XXYLT1: variants seen among roughly 807,000 people sequenced by gnomAD.
XXYLT1 encodes UDP-xylose:alpha-xyloside alpha-1,3-xylosyltransferase.
XXYLT1 carries 20 observed loss-of-function variants against 28.9 expected under a neutral mutation model. That is an observed-to-expected ratio of 0.69 (90% CI 0.49 to 1.00). XXYLT1 has a LOEUF of 1.00. Among genes scored for constraint, XXYLT1 ranks in the 50% least tolerant of loss-of-function variants. The pLI is 0.00. For missense variants in XXYLT1, 542 were observed against 560.1 expected (o/e 0.97, Z 0.33); for synonymous variants, 257 against 253.8 (o/e 1.01, Z -0.12).
chr3:195,160,425 G>C (rs77577642), intron 2 of XXYLT1, among the ~76,000 whole-genome samples: 7,014 of 152,322 alleles, frequency 0.046, 246 homozygotes, highest in East Asian at 0.15. Context: ...CACTAACTGG[G>C]AGAGGGTTTA....
intron 3 of XXYLT1, among the ~76,000 whole-genome samples, chr3:195,111,545 C>T (rs1717718303): frequency 6.6e-6 from 1 of 152,088 alleles, no homozygotes; most frequent in South Asian, 2.1e-4. Context: ...GGGCAGGTGT[C>T]TGATGGTGCT....
chr3:195,143,843 G>GATATATATAGATATATATATCT lies in XXYLT1; in HGVS notation c.785+12605_785+12606insAGATATATATATCTATATATAT, dbSNP rs1719661395. Among the ~76,000 whole-genome samples the GATATATATAGATATATATATCT allele has an allele frequency of 8.9e-4, 80 of 89,392 alleles. 5 individuals carry two copies. The highest frequency in any genetic ancestry group is 3.5e-3 in the African/African-American group (78 of 22,024). The allele number at this position is 89,392 out of a possible 152,430, so 58.6% of individuals were successfully genotyped here. On this transcript the variant is annotated intron_variant, in intron 3 of 3. Coordinates refer to ENST00000310380, the MANE Select transcript of XXYLT1 (RefSeq NM_152531.5). ...ATAGATATATATAGATATAGATATA[G>GATATATATAGATATATATATCT]ATATATATATAGATATATATAGATA...
At chr3:195,213,370 T>C (rs532596861) in intron 2 of XXYLT1, among the ~76,000 whole-genome samples, 82 of 152,094 alleles carry the variant, frequency 5.4e-4, no homozygotes, top group African/African-American at 1.9e-3. Context: ...GTTCAAGTGA[T>C]TCTCCTGCCT....
chr3:195,102,138 T>C (rs1333348883), intron 3 of XXYLT1, among the ~76,000 whole-genome samples: 1 of 151,934 alleles, frequency 6.6e-6, no homozygotes, highest in Non-Finnish European at 1.5e-5. Flanking sequence ...GAGTCTATGT[T>C]TTCCAACAGA....
At chr3:195,183,844 C>G (rs1429374172) in intron 2 of XXYLT1, among the ~76,000 whole-genome samples, 1 of 152,172 alleles carries the variant, frequency 6.6e-6, no homozygotes, top group Non-Finnish European at 1.5e-5. Context: ...AGAAGGGAAC[C>G]AGTGTGAAGG....
intron 2 of XXYLT1, among the ~76,000 whole-genome samples, chr3:195,185,236 A>C (rs987528964): frequency 6.6e-6 from 1 of 152,226 alleles, no homozygotes; most frequent in African/African-American, 2.4e-5. Context: ...GGGAAACAGA[A>C]CAGTAGGGGT....
chr3:195,116,767 C>T lies in XXYLT1; in HGVS notation c.785+39682G>A, dbSNP rs573759585. Among the ~76,000 whole-genome samples the T allele has an allele frequency of 1.4e-4, 21 of 152,288 alleles. No individual in the cohort carries two copies. The East Asian group carries it at 3.9e-3, about 28-fold the overall frequency. ...CTCCAGGACCAGGTAAAGGCTGAGACGGAAACACACTTGCTTGCCTGCCTG... is the reference window on the plus strand; with the variant it reads ...CTCCAGGACCAGGTAAAGGCTGAGATGGAAACACACTTGCTTGCCTGCCTG... On this transcript the variant is annotated intron_variant, in intron 3 of 3. Coordinates refer to ENST00000310380, the MANE Select transcript of XXYLT1 (RefSeq NM_152531.5).
intron 3 of XXYLT1, among the ~76,000 whole-genome samples, chr3:195,108,943 C>T (rs1717301029): frequency 6.6e-6 from 1 of 152,180 alleles, no homozygotes; most frequent in Non-Finnish European, 1.5e-5. Flanking sequence ...ATAATTAAGG[C>T]AGCTATTATC....
At chr3:195,163,982 A>C (rs1323606055) in intron 2 of XXYLT1, among the ~76,000 whole-genome samples, 1 of 152,274 alleles carries the variant, frequency 6.6e-6, no homozygotes, top group African/African-American at 2.4e-5. Context: ...ATTTCTTCTC[A>C]TAGCTCACTA....
intron 2 of XXYLT1, chr3:195,183,654 A>AT (rs1218251745): frequency 6.6e-6 from 1 of 152,130 alleles, no homozygotes; most frequent in Non-Finnish European, 1.5e-5. Flanking sequence ...AGGTTAGGTC[A>AT]TTTTCAGGAA....
intron 3 of XXYLT1, among the ~76,000 whole-genome samples, chr3:195,090,571 G>C (rs918881127): frequency 6.6e-6 from 1 of 151,190 alleles, no homozygotes; most frequent in Non-Finnish European, 1.5e-5. Context: ...ACAAGAGAAA[G>C]CAGGAAAGAT....
chr3:195,082,079 G>C (rs971157604), intron 3 of XXYLT1, among the ~76,000 whole-genome samples: 1 of 152,092 alleles, frequency 6.6e-6, no homozygotes, highest in African/African-American at 2.4e-5. Context: ...TGCTGTTGTT[G>C]TTACTTGCTT....
intron 2 of XXYLT1, among the ~76,000 whole-genome samples, chr3:195,208,264 G>T (rs1174399908): frequency 1.3e-5 from 2 of 152,100 alleles, no homozygotes; most frequent in Admixed American, 1.3e-4. Flanking sequence ...ACTAGAAAGT[G>T]AAGTTGTGAG....
At chr3:195,137,503 G>A (rs1227926763) in intron 3 of XXYLT1, among the ~76,000 whole-genome samples, 2 of 152,188 alleles carry the variant, frequency 1.3e-5, no homozygotes, top group Non-Finnish European at 2.9e-5. Flanking sequence ...CTCAAAGACC[G>A]TGAAGAGAAA....
At position 195,271,127 on chromosome 3, in the gene XXYLT1, G is replaced by C. The variant is rs1420560377; in HGVS notation, c.-69C>G. 7.9e-7 allele frequency: 1 copy of C among 1,272,862 alleles called. No individual in the cohort carries two copies. Among genetic ancestry groups the C allele is most frequent in the Non-Finnish European group, 9.9e-7 (1 of 1,012,178 alleles). The allele number at this position is 1,272,862 out of a possible 1,614,324, so 78.8% of individuals were successfully genotyped here. On this transcript the variant is annotated 5_prime_UTR_variant, in exon 1 of 4. Transcript: ENST00000310380. ...AGCCCTCGGGTACCCGGACGCCGGC[G>C]GCCACTTAGCCCCGGCGCCAGGCGG...
At chr3:195,179,295 G>A (rs11716225) in intron 2 of XXYLT1, among the ~76,000 whole-genome samples, 33 of 149,978 alleles carry the variant, frequency 2.2e-4, no homozygotes, top group Non-Finnish European at 4.6e-4. Flanking sequence ...AGCCGAGATC[G>A]CGCCACTGCA....
At position 195,256,802 on chromosome 3, in the gene XXYLT1, C is replaced by T. The variant is rs901379531; in HGVS notation, c.504+13753G>A. On this transcript the variant is annotated intron_variant, in intron 1 of 3. Transcript: ENST00000310380. The surrounding 1 kb of genome is among the most constrained non-coding windows in gnomAD (Gnocchi z 4.2). ...AACATCTGGGCAGGACTCTGTCCAC[C>T]ACACTCCAGCTGAAGTGAGCGCCCA... Among the ~76,000 whole-genome samples, 2 of 152,206 alleles carry T rather than the reference C, an allele frequency of 1.3e-5. No homozygotes were observed. The highest frequency in any genetic ancestry group is 6.5e-5 in the Admixed American group (1 of 15,284).
intron 2 of XXYLT1, among the ~76,000 whole-genome samples, chr3:195,221,422 T>G (rs1336406300): frequency 6.6e-6 from 1 of 152,232 alleles, no homozygotes; most frequent in Non-Finnish European, 1.5e-5. Context: ...GCCAGCACCA[T>G]GTCTTGCAAA....
intron 2 of XXYLT1, among the ~76,000 whole-genome samples, chr3:195,224,108 A>T (rs1303282178): frequency 6.6e-6 from 1 of 152,218 alleles, no homozygotes; most frequent in Admixed American, 6.5e-5. Flanking sequence ...GTGAGCCGAG[A>T]TTGCTAAACC....
Sources: allele counts gnomAD v4.1 joint callset (sites outside exome capture counted in the v4.1 genomes callset), GRCh38; gene constraint gnomAD v4.1.1; non-coding constraint Gnocchi (gnomAD v3.1); transcripts MANE v1.5; gene names NCBI Gene and HGNC (gene_info 2026-07-23, HGNC 2026-07-21).